PCDHA1: variants seen among roughly 807,000 people sequenced by gnomAD.
PCDHA1 encodes protocadherin alpha 1.
A neutral mutation model predicts 61.3 loss-of-function variants in PCDHA1; 42 were observed. The ratio of observed to expected loss-of-function variants is 0.69; its 90% confidence interval spans 0.54 to 0.89. The LOEUF is 0.89. PCDHA1 is among the 40% of genes least tolerant of loss of function. The pLI, the probability that PCDHA1 is intolerant of heterozygous loss-of-function variation, is 0.00. For synonymous variants in PCDHA1, 610 were observed against 553.8 expected (o/e 1.10, Z -1.43); for missense variants, 1,256 against 1,235.3 (o/e 1.02, Z -0.25).
chr5:140,808,548 C>T (rs782321736), intron 1 of PCDHA1: 5 of 1,614,044 alleles, frequency 3.1e-6, no homozygotes, highest in Non-Finnish European at 2.5e-6. Flanking sequence ...AACGCTCCGG[C>T]GTTCGCGCAG....
intron 1 of PCDHA1, chr5:140,870,012 C>T (rs2051581500): frequency 6.2e-7 from 1 of 1,613,354 alleles, no homozygotes; most frequent in African/African-American, 1.3e-5. Context: ...AAGTGAGGGT[C>T]AATGGAACTT....
At chr5:140,869,211 G>T (rs375218342) in intron 1 of PCDHA1, 2 of 1,613,956 alleles carry the variant, frequency 1.2e-6, no homozygotes, top group Non-Finnish European at 1.7e-6. Context: ...ACTCCGTCTC[G>T]GAGGAGGCCA....
At chr5:140,797,131 T>C (rs1554120301) in intron 1 of PCDHA1, 1 of 1,613,968 alleles carries the variant, frequency 6.2e-7, no homozygotes, top group Non-Finnish European at 8.5e-7. Flanking sequence ...TGCGCTGCGG[T>C]GCTCGGTGCC....
rs1243853436 is a variant in PCDHA1, at chr5:140,900,308, A to G, written c.2395-78641A>G. ...CTTTTCTGTTTTTTTAGACAGTCTC[A>G]CTTTTGTCGCCCAGGCTGGAGTACC... On this transcript the variant is annotated intron_variant, in intron 1 of 3. Transcript: ENST00000504120. 1.3e-4 allele frequency among the ~76,000 whole-genome samples: 19 copies of G among 149,982 alleles called. No individual in the cohort carries two copies. The East Asian group carries it at 3.9e-3, about 31-fold the overall frequency.
In PCDHA1 at chr5:141,010,204, C is replaced by G. The variant is rs1238256859; in HGVS notation, c.*267C>G. ...GACCCAAGTTTCCTTTCTCCTCCGC[C>G]GCAAAGGAGAGGCTTCCCAGCCCCG... On this transcript the variant is annotated 3_prime_UTR_variant, in exon 4 of 4. Transcript: ENST00000504120. 1.3e-5 allele frequency: 20 copies of G among 1,551,852 alleles called. No homozygotes were observed. Among genetic ancestry groups the G allele is most frequent in the Non-Finnish European group, 1.7e-5 (20 of 1,147,056 alleles).
At position 140,835,349 on chromosome 5, in the gene PCDHA1, T is replaced by C. The variant is rs2150234349; in HGVS notation, c.2394+46665T>C. ...GAGCACACAAGATCCCAGTCGAGGC[T>C]GTCGATAAAGGCTTCCCACCCCTGG... On this transcript the variant is annotated intron_variant, in intron 1 of 3. Coordinates refer to ENST00000504120, the MANE Select transcript of PCDHA1 (RefSeq NM_018900.4). 5.4e-5 allele frequency: 87 copies of C among 1,613,822 alleles called. No individual in the cohort carries two copies. In the Middle Eastern group the frequency reaches 9.9e-4, roughly 18 times the overall value.
intron 1 of PCDHA1, among the ~76,000 whole-genome samples, chr5:140,821,381 C>A (rs1364273553): frequency 6.6e-6 from 1 of 151,994 alleles, no homozygotes; most frequent in Non-Finnish European, 1.5e-5. Flanking sequence ...ATTTTAATGA[C>A]GCACTTATAT....
At chr5:140,886,899 A>G (rs1054848231) in intron 1 of PCDHA1, among the ~76,000 whole-genome samples, 1 of 152,020 alleles carries the variant, frequency 6.6e-6, no homozygotes, top group Admixed American at 6.6e-5. Flanking sequence ...AATGCATTTA[A>G]TAAATACTTA....
intron 1 of PCDHA1, chr5:140,877,135 G>A (rs1554169356): frequency 2.5e-6 from 4 of 1,613,790 alleles, no homozygotes; most frequent in Non-Finnish European, 3.4e-6. Flanking sequence ...GCAGGTGTTC[G>A]TGCTGGACGA....
rs1554151079 is a variant in PCDHA1 at position 140,858,031 on chromosome 5, G to T, written c.2394+69347G>T. 1.2e-5 allele frequency: 19 copies of T among 1,597,102 alleles called. 3 individuals are homozygous for T. The highest frequency in any genetic ancestry group is 1.5e-5 in the Non-Finnish European group (17 of 1,167,242). On this transcript the variant is annotated intron_variant, in intron 1 of 3. Coordinates refer to ENST00000504120, the MANE Select transcript of PCDHA1 (RefSeq NM_018900.4). ...ATGGCGAGCCGTCGCTGACGGCCACGGCCACTGTGCTTGTGTCGCTTGTGG... is the reference window on the plus strand; with the variant it reads ...ATGGCGAGCCGTCGCTGACGGCCACTGCCACTGTGCTTGTGTCGCTTGTGG...
At chr5:140,932,525 A>G (rs2088383031) in intron 1 of PCDHA1, among the ~76,000 whole-genome samples, 1 of 151,898 alleles carries the variant, frequency 6.6e-6, no homozygotes, top group Non-Finnish European at 1.5e-5. Flanking sequence ...TGTTTGTGGC[A>G]TTCAAGGTGC....
At chr5:140,864,008 A>G (rs1481887604) in intron 1 of PCDHA1, 3 of 153,088 alleles carry the variant, frequency 2.0e-5, no homozygotes, top group African/African-American at 7.2e-5. Flanking sequence ...CTTAAAAAAA[A>G]AAGTACATTG....
rs529968685 is a variant in PCDHA1 at position 140,857,928 on chromosome 5, C to T, written c.2394+69244C>T. ...ATCCCGTTTCGCGTGGGGCTGTACA[C>T]GGGCGAGATCAGTACGACGCGCGCT... On this transcript the variant is annotated intron_variant, in intron 1 of 3. Coordinates refer to ENST00000504120, the MANE Select transcript of PCDHA1 (RefSeq NM_018900.4). The T allele has an allele frequency of 2.5e-6, 4 of 1,597,668 alleles. No individual in the cohort carries two copies. In the South Asian group the frequency reaches 3.3e-5, roughly 13 times the overall value.
chr5:140,843,272 G>T, intron 1 of PCDHA1: 1 of 1,596,120 alleles, frequency 6.3e-7, no homozygotes, highest in Non-Finnish European at 8.6e-7. Context: ...GCTGGTCCTG[G>T]TGAAGGATCA....
At chr5:140,889,414 C>T (rs1014981678) in intron 1 of PCDHA1, among the ~76,000 whole-genome samples, 3 of 151,934 alleles carry the variant, frequency 2.0e-5, no homozygotes, top group Admixed American at 6.6e-5. Flanking sequence ...GAGTCAGTTA[C>T]GTAGATAATA....
At chr5:141,009,439 G>A (rs187486568) in intron 3 of PCDHA1, among the ~76,000 whole-genome samples, 188 bp from the exon 4 acceptor site, 1 of 152,244 alleles carries the variant, frequency 6.6e-6, no homozygotes, top group East Asian at 1.9e-4. Context: ...GGGAAATCCT[G>A]TCTCAAAAAA....
intron 1 of PCDHA1, chr5:140,884,522 C>T: frequency 6.2e-7 from 1 of 1,614,058 alleles, no homozygotes. Flanking sequence ...GTCGTACTCG[C>T]AGCAGAGGCG....
chr5:140,902,203 CTTT>C lies in PCDHA1; in HGVS notation c.2395-76730_2395-76728del, dbSNP rs148688132. ...TTATGTCTTCTCTCTCTCTCTCTTT[CTTT>C]TTTTTTTTTTTTTTTGAGATGAGGA... On this transcript the variant is annotated intron_variant, in intron 1 of 3. Coordinates refer to ENST00000504120, the MANE Select transcript of PCDHA1 (RefSeq NM_018900.4). Among the ~76,000 whole-genome samples, 328 of 124,424 alleles carry C rather than the reference CTTT, an allele frequency of 2.6e-3. 2 individuals are homozygous for C. Among genetic ancestry groups the C allele is most frequent in the Middle Eastern group, 0.017 (4 of 242 alleles). 81.6% of individuals were successfully genotyped at this position (124,424 alleles called of 152,430 possible).
intron 1 of PCDHA1, among the ~76,000 whole-genome samples, chr5:140,881,102 T>C (rs1470850677): frequency 1.3e-5 from 2 of 152,230 alleles, no homozygotes; most frequent in African/African-American, 4.8e-5. Flanking sequence ...ATTACACCAT[T>C]TGGCCTGGGA....
Sources: allele counts gnomAD v4.1 joint callset (sites outside exome capture counted in the v4.1 genomes callset), GRCh38; gene constraint gnomAD v4.1.1; transcripts MANE v1.5; gene names NCBI Gene and HGNC (gene_info 2026-07-23, HGNC 2026-07-21).